The following LINGO2 variants were observed in gnomAD, a reference collection of about 807,000 sequenced individuals.
The protein encoded by LINGO2 is leucine-rich repeat and immunoglobulin-like domain-containing nogo receptor-interacting protein 2.
In LINGO2, 14 loss-of-function variants were observed where a neutral mutation model predicts 30.6. The ratio of observed to expected loss-of-function variants is 0.46; its 90% CI spans 0.30 to 0.72. The LOEUF is 0.72. LINGO2 is among the 30% of genes least tolerant of loss of function. The pLI is 0.07. For synonymous variants in LINGO2, 317 were observed against 288.5 expected, an observed-to-expected ratio of 1.10 and a Z score of -1.00; for missense variants, 729 against 751.7, an observed-to-expected ratio of 0.97 and a Z score of 0.35.
intron 4 of LINGO2, among the ~76,000 whole-genome samples, chr9:28,035,300 G>C (rs917659809): frequency 2.0e-5 from 3 of 152,134 alleles, no homozygotes; most frequent in Non-Finnish European, 4.4e-5. Flanking sequence ...TTCCTTATAG[G>C]ACATATTTTA....
At chr9:28,420,011 T>C (rs193116132) in intron 2 of LINGO2, among the ~76,000 whole-genome samples, 174 of 152,170 alleles carry the variant, frequency 1.1e-3, no homozygotes, top group African/African-American at 4.0e-3. Flanking sequence ...ATTTGAATGT[T>C]TGGCAGTGCT....
At chr9:27,982,695 C>T (rs1180454564) in intron 5 of LINGO2, among the ~76,000 whole-genome samples, 2 of 151,846 alleles carry the variant, frequency 1.3e-5, no homozygotes, top group Non-Finnish European at 1.5e-5. Context: ...CTTCTCTGAA[C>T]TACCCTATGC....
At chr9:29,204,878 G>A in the LINGO2 span, among the ~76,000 whole-genome samples, 1 of 152,078 alleles carries the variant, frequency 6.6e-6, no homozygotes, top group Non-Finnish European at 1.5e-5. Flanking sequence ...TTTCTTCCAA[G>A]CTTAGAGAAA....
At chr9:28,673,897 A>T (rs140420589), upstream of LINGO2, among the ~76,000 whole-genome samples, 669 of 152,122 alleles carry the variant, frequency 4.4e-3, 5 homozygotes, top group African/African-American at 0.015. Context: ...GAATTTGATG[A>T]ACATGTATTT....
intron 3 of LINGO2, among the ~76,000 whole-genome samples, chr9:28,345,121 A>C (rs1819517664): frequency 6.6e-6 from 1 of 152,052 alleles, no homozygotes; most frequent in African/African-American, 2.4e-5. Context: ...CCCCTTAAGA[A>C]GTACCTTGGA....
intron 5 of LINGO2, among the ~76,000 whole-genome samples, chr9:27,981,564 AAAAAAG>A: frequency 7.8e-6 from 1 of 128,644 alleles, no homozygotes; most frequent in Non-Finnish European, 1.7e-5. Context: ...AAAAAAGAAA[AAAAAAG>A]AAAAAAAAAA....
chr9:28,107,401 T>C (rs758071689), intron 4 of LINGO2, among the ~76,000 whole-genome samples: 1 of 152,152 alleles, frequency 6.6e-6, no homozygotes, highest in East Asian at 1.9e-4. Context: ...TTGGGATACA[T>C]TCTGACTTTG....
chr9:29,021,737 G>GAAGGAAGA, the LINGO2 span, among the ~76,000 whole-genome samples: 2 of 149,956 alleles, frequency 1.3e-5, no homozygotes, highest in African/African-American at 4.9e-5. Flanking sequence ...AGGAAGGAAG[G>GAAGGAAGA]AAGGAAGGAA....
At chr9:28,176,495 A>G (rs980654314) in intron 4 of LINGO2, among the ~76,000 whole-genome samples, 1 of 152,128 alleles carries the variant, frequency 6.6e-6, no homozygotes, top group African/African-American at 2.4e-5. Context: ...AATAACCTGT[A>G]TTTCAGTGTT....
rs116846813 is a variant in LINGO2 at position 28,168,741 on chromosome 9, C to T, written c.-87+126467G>A. Reference sequence around the variant, plus strand: ...TGCCGAGGCCTACAGATTTGTGGAACCTAAATTGTATTAGGGTCCTTGTAA... The same window carrying T: ...TGCCGAGGCCTACAGATTTGTGGAATCTAAATTGTATTAGGGTCCTTGTAA... On this transcript the variant is annotated intron_variant, in intron 4 of 5. Transcript: ENST00000379992. Among the ~76,000 whole-genome samples the T allele has an allele frequency of 1.9e-3, 292 of 152,338 alleles. 3 individuals are homozygous for T. In the East Asian group the frequency reaches 0.043, roughly 22 times the overall value.
chr9:28,611,872 G>C (rs1190008614), intron 1 of LINGO2, among the ~76,000 whole-genome samples: 1 of 151,632 alleles, frequency 6.6e-6, no homozygotes, highest in Non-Finnish European at 1.5e-5. Context: ...CCAGGCTGGA[G>C]TGCAGTGGCG....
chr9:28,755,684 T>C, the LINGO2 span, among the ~76,000 whole-genome samples: 7 of 152,226 alleles, frequency 4.6e-5, no homozygotes, highest in South Asian at 2.1e-4. Flanking sequence ...CAGTCTCTCC[T>C]GTTGTATTAT....
Position 28,147,540 on chromosome 9 carries a change from A to T in LINGO2, c.-86-135135T>A, listed in dbSNP as rs1470417970. ...AGAGGCCCCGGGGGAGCCTGGCGGG[A>T]TCTGGCTGGTCCTGTGCTCTGCTTC... On this transcript the variant is annotated intron_variant, in intron 4 of 5. Coordinates refer to ENST00000379992, the Ensembl canonical transcript of LINGO2. This position sits in a 1 kb window ranked among gnomAD's most constrained non-coding sequence, Gnocchi z 4.7. Among the ~76,000 whole-genome samples, 1 of 152,084 alleles carries T rather than the reference A, an allele frequency of 6.6e-6. No homozygotes were observed. Among genetic ancestry groups the T allele is most frequent in the Non-Finnish European group, 1.5e-5 (1 of 67,972 alleles).
At chr9:27,957,333 C>T (rs759468342) in intron 5 of LINGO2, among the ~76,000 whole-genome samples, 35 of 152,010 alleles carry the variant, frequency 2.3e-4, no homozygotes, top group Admixed American at 3.3e-4. Context: ...CTTGCTTTGT[C>T]GCCCGGCTGG....
the LINGO2 span, among the ~76,000 whole-genome samples, chr9:28,988,359 T>G: frequency 6.6e-6 from 1 of 152,164 alleles, no homozygotes; most frequent in Admixed American, 6.5e-5. Context: ...CCCTGCTTTC[T>G]TTTGCTTTCC....
chr9:29,077,830 T>A, the LINGO2 span, among the ~76,000 whole-genome samples: 1,620 of 151,322 alleles, frequency 0.011, 18 homozygotes, highest in South Asian at 0.015. Context: ...TAAAAAAAAA[T>A]AGTTCTAACC....
At chr9:28,179,739 C>T (rs978695836) in intron 4 of LINGO2, among the ~76,000 whole-genome samples, 1 of 145,796 alleles carries the variant, frequency 6.9e-6, no homozygotes, top group African/African-American at 2.5e-5. Context: ...AGTATTTTCC[C>T]TTAAATAATC....
At chr9:29,055,930 ATG>A in the LINGO2 span, among the ~76,000 whole-genome samples, 103 of 101,910 alleles carry the variant, frequency 1.0e-3, 3 homozygotes, top group Middle Eastern at 4.9e-3. Flanking sequence ...TCCCATGTGT[ATG>A]TGTGTGTGTA....
At chr9:27,939,145 T>G in the LINGO2 span, 220 of 149,802 alleles carry the variant, frequency 1.5e-3, 1 homozygote, top group African/African-American at 5.1e-3. Flanking sequence ...CCTCTGCAAT[T>G]AAATTCTCTT....
Sources: allele counts gnomAD v4.1 joint callset (sites outside exome capture counted in the v4.1 genomes callset), GRCh38; gene constraint gnomAD v4.1.1; non-coding constraint Gnocchi (gnomAD v3.1); transcripts MANE v1.5; gene names NCBI Gene and HGNC (gene_info 2026-07-23, HGNC 2026-07-21).